IRF2: variants seen among roughly 807,000 people sequenced by gnomAD.
IRF2 encodes the protein interferon regulatory factor 2.
In IRF2, 15 loss-of-function variants were observed where a neutral mutation model predicts 40.6. The ratio of observed to expected loss-of-function variants is 0.37; its 90% CI spans 0.25 to 0.57. The LOEUF is 0.57. Among genes scored for constraint, IRF2 ranks in the 20% least tolerant of loss-of-function variants. The pLI is 0.77. For missense variants in IRF2, 317 were observed against 455.7 expected (o/e 0.70, Z 2.77); for synonymous variants, 151 against 165.5 (o/e 0.91, Z 0.67).
intron 1 of IRF2, among the ~76,000 whole-genome samples, chr4:184,446,119 T>G (rs1738499556): frequency 6.6e-6 from 1 of 152,164 alleles, no homozygotes. Flanking sequence ...TGGTGCAGAT[T>G]CCCGCTCAGG....
intron 1 of IRF2, among the ~76,000 whole-genome samples, chr4:184,458,897 G>T (rs1739035768): frequency 6.6e-6 from 1 of 152,122 alleles, no homozygotes; most frequent in South Asian, 2.1e-4. Flanking sequence ...TTCTCCTGCT[G>T]TCAACAATTC....
At chr4:184,446,616 C>A (rs1036337995) in intron 1 of IRF2, among the ~76,000 whole-genome samples, 2 of 152,100 alleles carry the variant, frequency 1.3e-5, no homozygotes, top group African/African-American at 4.8e-5. Flanking sequence ...ACTACAATAA[C>A]CCAGGCTGTG....
At chr4:184,392,670 C>T (rs1054433614) in intron 7 of IRF2, among the ~76,000 whole-genome samples, 4 of 152,206 alleles carry the variant, frequency 2.6e-5, no homozygotes, top group African/African-American at 9.6e-5. Context: ...TAGCCCCAGA[C>T]CAGGCTCTCT....
Position 184,448,309 on chromosome 4 carries a change from T to C in IRF2, c.-6-19239A>G, listed in dbSNP as rs1738589236. ...TTTATTCGTCCTCCGTGCACCAGGA[T>C]GGTATTAATAAGCACATGCATCAAT... On this transcript the variant is annotated intron_variant, in intron 1 of 8. Transcript: ENST00000393593. This position sits in a 1 kb window ranked among gnomAD's most constrained non-coding sequence, Gnocchi z 4.3. Among the ~76,000 whole-genome samples the C allele has an allele frequency of 6.6e-6, 1 of 152,200 alleles. No homozygotes were observed. The highest frequency in any genetic ancestry group is 6.5e-5 in the Admixed American group (1 of 15,282).
In IRF2 at chr4:184,419,574, A is replaced by T; in HGVS notation, c.88-6T>A. 1.1e-5 allele frequency: 11 copies of T among 1,031,458 alleles called. No homozygotes were observed. Among genetic ancestry groups the T allele is most frequent in the Non-Finnish European group, 1.2e-5 (9 of 781,892 alleles). 63.9% of individuals were successfully genotyped at this position (1,031,458 alleles called of 1,614,324 possible). ...ATCTGAAAAATCTTCTTTTCCTGAA[A>T]AAAAAAAAAAAAAAAAAGGTAAAGA... On this transcript the variant is annotated splice_polypyrimidine_tract_variant and splice_region_variant and intron_variant, in intron 2 of 8. Coordinates refer to ENST00000393593, the MANE Select transcript of IRF2 (RefSeq NM_002199.4).
chr4:184,452,468 G>A (rs1024118601), intron 1 of IRF2, among the ~76,000 whole-genome samples: 5 of 152,176 alleles, frequency 3.3e-5, no homozygotes, highest in East Asian at 1.9e-4. Context: ...CCATGGAAGT[G>A]CAGACCGGGC....
intron 1 of IRF2, among the ~76,000 whole-genome samples, chr4:184,473,098 G>A (rs1161265886): frequency 6.6e-6 from 1 of 152,062 alleles, no homozygotes; most frequent in East Asian, 1.9e-4. Flanking sequence ...GCCGCGGCCG[G>A]CTTCACTCGG....
intron 5 of IRF2, among the ~76,000 whole-genome samples, chr4:184,417,027 A>G (rs1362247761): frequency 5.9e-5 from 9 of 152,192 alleles, no homozygotes; most frequent in Middle Eastern, 3.2e-3. Context: ...GCCTGTGCCA[A>G]TAGAGCAAAA....
At chr4:184,399,842 T>C (rs1259476424) in intron 6 of IRF2, among the ~76,000 whole-genome samples, 1 of 152,232 alleles carries the variant, frequency 6.6e-6, no homozygotes, top group African/African-American at 2.4e-5. Context: ...CTCTGAAAAC[T>C]GCCTCAAATA....
At chr4:184,455,011 C>A (rs889005499) in intron 1 of IRF2, among the ~76,000 whole-genome samples, 23 of 152,152 alleles carry the variant, frequency 1.5e-4, no homozygotes, top group African/African-American at 5.6e-4. Context: ...GGTCCACCTT[C>A]TGTAATAGAA....
intron 1 of IRF2, among the ~76,000 whole-genome samples, chr4:184,459,708 A>G (rs1252052385): frequency 6.6e-6 from 1 of 152,240 alleles, no homozygotes; most frequent in Non-Finnish European, 1.5e-5. Context: ...TTGAATAGAC[A>G]TTCCTCCTAA....
At chr4:184,460,190 A>C (rs867186271) in intron 1 of IRF2, among the ~76,000 whole-genome samples, 39 of 152,374 alleles carry the variant, frequency 2.6e-4, no homozygotes, top group African/African-American at 9.1e-4. Flanking sequence ...ACATGGGTGG[A>C]CCTGGAAAAC....
rs181262931 is a variant in IRF2, at chr4:184,437,212, C to T, written c.-6-8142G>A. On this transcript the variant is annotated intron_variant, in intron 1 of 8. Transcript: ENST00000393593. ...CTGAGATTACAGGCATGCGCCACCACGCCCAGCTAATTTTTTTGTATTTTT... is the reference window on the plus strand; with the variant it reads ...CTGAGATTACAGGCATGCGCCACCATGCCCAGCTAATTTTTTTGTATTTTT... Among the ~76,000 whole-genome samples, 730 of 152,292 alleles carry T rather than the reference C, an allele frequency of 4.8e-3. 7 individuals carry two copies. The highest frequency in any genetic ancestry group is 0.016 in the African/African-American group (679 of 41,556).
chr4:184,418,507 T>G (rs1377367301), intron 4 of IRF2, 25 bp downstream of exon 4: 2 of 1,606,084 alleles, frequency 1.2e-6, no homozygotes, highest in East Asian at 4.5e-5. Context: ...TGATTTACCT[T>G]ATTTTAGTCT....
At chr4:184,446,516 C>T (rs1738514900) in intron 1 of IRF2, among the ~76,000 whole-genome samples, 1 of 152,122 alleles carries the variant, frequency 6.6e-6, no homozygotes, top group South Asian at 2.1e-4. Context: ...TACACACAGG[C>T]AACTGAGTAA....
intron 1 of IRF2, among the ~76,000 whole-genome samples, chr4:184,434,353 G>A (rs1005540002): frequency 2.6e-5 from 4 of 152,104 alleles, no homozygotes; most frequent in Non-Finnish European, 4.4e-5. Flanking sequence ...AAAATGGGAC[G>A]TTTTAAACAG....
At chr4:184,422,120 C>A (rs1737504192) in intron 2 of IRF2, among the ~76,000 whole-genome samples, 1 of 152,160 alleles carries the variant, frequency 6.6e-6, no homozygotes, top group Non-Finnish European at 1.5e-5. Context: ...CATCCTGAGG[C>A]CTTAACAGAG....
intron 2 of IRF2, among the ~76,000 whole-genome samples, chr4:184,422,232 C>A (rs932106841): frequency 6.6e-6 from 1 of 152,122 alleles, no homozygotes; most frequent in African/African-American, 2.4e-5. Flanking sequence ...TTTGTAGCAA[C>A]ATGAAACAGA....
intron 5 of IRF2, 71 bp downstream of exon 5, chr4:184,418,096 T>C (rs1249724910): frequency 8.4e-7 from 1 of 1,185,634 alleles, no homozygotes; most frequent in Non-Finnish European, 1.3e-6. Flanking sequence ...GTGACTCATC[T>C]TTACAAGGCA....
Sources: gnomAD v4.1 joint callset for allele counts (sites outside exome capture counted in the v4.1 genomes callset) on GRCh38, gnomAD v4.1.1 for gene constraint, Gnocchi (gnomAD v3.1) non-coding constraint, MANE v1.5 for transcripts, NCBI Gene and HGNC (gene_info 2026-07-23, HGNC 2026-07-21) for gene names.